PRDM1: variants seen among roughly 807,000 people sequenced by gnomAD.
The protein encoded by PRDM1 is PR domain zinc finger protein 1.
PRDM1 carries 13 observed loss-of-function variants against 62.8 expected under a neutral mutation model. That is an observed-to-expected ratio of 0.21 (90% CI 0.13 to 0.33). The LOEUF (loss-of-function observed/expected upper bound fraction) is 0.33, where lower values mean the gene tolerates loss of function less well. Among genes scored for constraint, PRDM1 ranks in the 10% least tolerant of loss-of-function variants. PRDM1 has a pLI of 1.00. For missense variants in PRDM1, 895 were observed against 1,058.8 expected (o/e 0.85, Z 2.15); for synonymous variants, 396 against 417.6 (o/e 0.95, Z 0.63).
intron 1 of PRDM1, among the ~76,000 whole-genome samples, chr6:106,025,429 A>G (rs1772751378): frequency 6.6e-6 from 1 of 152,216 alleles, no homozygotes; most frequent in African/African-American, 2.4e-5. Flanking sequence ...CTCAGGTTGA[A>G]TATCTGGCAA....
chr6:106,071,363 T>C (rs1008548884), intron 1 of PRDM1, among the ~76,000 whole-genome samples: 27 of 152,176 alleles, frequency 1.8e-4, no homozygotes, highest in African/African-American at 6.3e-4. Flanking sequence ...TGTATGTATG[T>C]ATATGTAAGT....
chr6:106,003,174 A>G (rs532190652), intron 1 of PRDM1, among the ~76,000 whole-genome samples: 3 of 152,322 alleles, frequency 2.0e-5, no homozygotes, highest in Admixed American at 6.5e-5. Context: ...TATTATGAAT[A>G]AAGTGTCAGT....
intron 1 of PRDM1, among the ~76,000 whole-genome samples, chr6:106,042,032 T>G (rs1034613846): frequency 4.6e-5 from 7 of 151,454 alleles, no homozygotes; most frequent in East Asian, 3.9e-4. Context: ...GATCACAAAC[T>G]CCAGAACTCA....
intron 2 of PRDM1, among the ~76,000 whole-genome samples, chr6:106,091,957 G>A (rs1223240919): frequency 1.3e-5 from 2 of 151,926 alleles, no homozygotes; most frequent in Admixed American, 1.3e-4. Flanking sequence ...ATAATCTAAC[G>A]AGTCATTCTT....
intron 2 of PRDM1, among the ~76,000 whole-genome samples, chr6:106,089,655 G>T (rs1406259946): frequency 6.6e-6 from 1 of 152,164 alleles, no homozygotes; most frequent in African/African-American, 2.4e-5. Context: ...AATTCTAGTT[G>T]TAGTTGAATG....
intron 1 of PRDM1, among the ~76,000 whole-genome samples, chr6:106,009,359 C>G (rs925625296): frequency 2.6e-5 from 4 of 151,968 alleles, no homozygotes; most frequent in Non-Finnish European, 5.9e-5. Context: ...CCTTTTGGTC[C>G]GGAAAGCTGG....
chr6:106,085,885 A>C (rs896918795), upstream of PRDM1, among the ~76,000 whole-genome samples: 3 of 151,844 alleles, frequency 2.0e-5, no homozygotes, highest in Admixed American at 1.3e-4. Context: ...CGTTACATAC[A>C]CAACAGCTTG....
At chr6:106,030,967 G>T (rs996060046) in intron 1 of PRDM1, among the ~76,000 whole-genome samples, 2 of 149,916 alleles carry the variant, frequency 1.3e-5, no homozygotes, top group Admixed American at 6.7e-5. Flanking sequence ...TAGTTGGTAG[G>T]TTGGAGTCTC....
chr6:106,096,217 C>T (rs1462433501), intron 3 of PRDM1: 2 of 157,660 alleles, frequency 1.3e-5, no homozygotes, highest in Admixed American at 6.2e-5. Context: ...GGCATGATCT[C>T]GGCTCACTGC....
chr6:106,047,826 C>T (rs542494692), upstream of PRDM1, among the ~76,000 whole-genome samples: 5 of 152,134 alleles, frequency 3.3e-5, no homozygotes, highest in African/African-American at 4.8e-5. Flanking sequence ...TATACTCCTA[C>T]CCTCAGTCTC....
intron 1 of PRDM1, among the ~76,000 whole-genome samples, chr6:106,000,562 ATTTCCATGTATGT>A (rs1366635528): frequency 1.4e-5 from 2 of 143,090 alleles, no homozygotes; most frequent in African/African-American, 2.5e-5. Flanking sequence ...CACCAAGGTT[ATTTCCATGTATGT>A]TTTCCATGTA....
chr6:106,014,467 A>G (rs1772594422), intron 1 of PRDM1, among the ~76,000 whole-genome samples: 1 of 151,900 alleles, frequency 6.6e-6, no homozygotes. Flanking sequence ...AATAAAAAGT[A>G]TTGAACAAAG....
At chr6:106,038,346 A>T (rs1285616834) in intron 1 of PRDM1, among the ~76,000 whole-genome samples, 4 of 151,952 alleles carry the variant, frequency 2.6e-5, no homozygotes, top group Non-Finnish European at 5.9e-5. Context: ...TGTGCCAAGG[A>T]TCAGCCTGAG....
At chr6:106,086,837 T>G (rs1773822580) in intron 1 of PRDM1, among the ~76,000 whole-genome samples, 1 of 152,198 alleles carries the variant, frequency 6.6e-6, no homozygotes, top group Non-Finnish European at 1.5e-5. Context: ...CAGCTCACAC[T>G]CGTCAAACTA....
intron 1 of PRDM1, among the ~76,000 whole-genome samples, chr6:106,066,950 G>A (rs1053958920): frequency 2.0e-5 from 3 of 152,188 alleles, no homozygotes; most frequent in Non-Finnish European, 4.4e-5. Context: ...GATGCTTCAT[G>A]TGTATTAAGT....
At chr6:106,064,778 G>C (rs1439325862) in intron 1 of PRDM1, among the ~76,000 whole-genome samples, 1 of 152,214 alleles carries the variant, frequency 6.6e-6, no homozygotes, top group Admixed American at 6.5e-5. Flanking sequence ...TCTGGGGATA[G>C]GGTGGGAGCA....
chr6:106,086,205 G>A, upstream of PRDM1: 1 of 338,476 alleles, frequency 3.0e-6, no homozygotes, highest in Admixed American at 4.5e-5. Context: ...GAAGCTCTCG[G>A]CGGCTGTGCT....
rs534287929 is a variant in PRDM1 at position 106,086,435 on chromosome 6, C to G, written c.-119C>G. ...TGTCCGCCCGGAGCTGGGACGCGGG[C>G]GCCCGGGCGGCCGGACGAAGCGAGG... On this transcript the variant is annotated 5_prime_UTR_variant, in exon 1 of 7. Transcript: ENST00000369096. 1 of 917,848 alleles carries G rather than the reference C, an allele frequency of 1.1e-6. No individual in the cohort carries two copies. The highest frequency in any genetic ancestry group is 1.7e-5 in the African/African-American group (1 of 58,596). The allele number at this position is 917,848 out of a possible 1,614,324, so 56.9% of individuals were successfully genotyped here. A position where few individuals can be genotyped will look rare whatever the true frequency, so the allele number is the denominator to read the frequency against.
chr6:106,068,580 A>G (rs975936995), intron 1 of PRDM1, among the ~76,000 whole-genome samples: 1 of 152,202 alleles, frequency 6.6e-6, no homozygotes, highest in East Asian at 1.9e-4. Flanking sequence ...TTCCAAAAGC[A>G]TGGTTAAATT....
Sources: gnomAD v4.1 joint callset for allele counts (sites outside exome capture counted in the v4.1 genomes callset) on GRCh38, gnomAD v4.1.1 for gene constraint, MANE v1.5 for transcripts, NCBI Gene and HGNC (gene_info 2026-07-23, HGNC 2026-07-21) for gene names.